The following PDK1 variants were observed in gnomAD, a reference collection of about 807,000 sequenced individuals.
PDK1 encodes the protein [Pyruvate dehydrogenase (acetyl-transferring)] kinase isozyme 1, mitochondrial.
A neutral mutation model predicts 54.2 loss-of-function variants in PDK1; 39 were observed. The ratio of observed to expected loss-of-function variants is 0.72; its 90% CI spans 0.56 to 0.94. The LOEUF is 0.94. PDK1 is among the 40% of genes least tolerant of loss of function. PDK1 has a pLI of 0.00. For synonymous variants in PDK1, 221 were observed against 207.1 expected (o/e 1.07, Z -0.58); for missense variants, 552 against 566.0 (o/e 0.98, Z 0.25).
the PDK1 span, among the ~76,000 whole-genome samples, chr2:172,628,549 A>G: frequency 6.6e-6 from 1 of 152,160 alleles, no homozygotes; most frequent in Admixed American, 6.5e-5. Flanking sequence ...TGTGTTTGAT[A>G]TATGGCCTTG....
the PDK1 span, among the ~76,000 whole-genome samples, chr2:172,702,677 T>C: frequency 6.6e-6 from 1 of 151,736 alleles, no homozygotes; most frequent in Admixed American, 6.6e-5. Flanking sequence ...CTCATCTCTC[T>C]AGGTTTCCTC....
chr2:172,676,502 GATAGAA>G, the PDK1 span, among the ~76,000 whole-genome samples: 1 of 152,184 alleles, frequency 6.6e-6, no homozygotes, highest in African/African-American at 2.4e-5. Context: ...CTATAGATGT[GATAGAA>G]ATAGAAAGGG....
chr2:172,670,402 C>T, the PDK1 span, among the ~76,000 whole-genome samples: 3 of 152,104 alleles, frequency 2.0e-5, no homozygotes, highest in Non-Finnish European at 4.4e-5. Flanking sequence ...CTTGAACTTT[C>T]AGCTGAGTGA....
Position 172,592,945 on chromosome 2 carries a change from G to A in PDK1, c.1067G>A (p.Gly356Asp). ...TTTCTCATCAAACAGGCTGGTTTTGGTTATGGATTGCCCATATCACGTCTT... is the reference window on the plus strand; with the variant it reads ...TTTCTCATCAAACAGGCTGGTTTTGATTATGGATTGCCCATATCACGTCTT... ...TSRAVPLAGF[G>D]YGLPISRLYA... is the part of the protein sequence containing the mutation. The change falls in exon 10 of 11, where the codon GGT becomes GAT. Residue 356 changes from glycine to aspartate, a missense_variant. Coordinates refer to ENST00000282077, the MANE Select transcript of PDK1 (RefSeq NM_002610.5). 3 of 1,606,666 alleles carry A rather than the reference G, an allele frequency of 1.9e-6. No homozygotes were observed. The highest frequency in any genetic ancestry group is 2.6e-6 in the Non-Finnish European group (3 of 1,173,842).
Position 172,570,207 on chromosome 2 carries a change from A to G in PDK1, c.847-519A>G, listed in dbSNP as rs142840093. On this transcript the variant is annotated intron_variant, in intron 7 of 10. Transcript: ENST00000282077. Reference sequence around the variant, plus strand: ...CTGATATGTTGGCACTGTGTACCCTATTTCCTTTAGAAATTAGTCAAAGCA... The same window carrying G: ...CTGATATGTTGGCACTGTGTACCCTGTTTCCTTTAGAAATTAGTCAAAGCA... Among the ~76,000 whole-genome samples, 761 of 152,230 alleles carry G rather than the reference A, an allele frequency of 5.0e-3. 9 individuals are homozygous for G. Among genetic ancestry groups the G allele is most frequent in the African/African-American group, 0.017 (693 of 41,522 alleles).
the PDK1 span, among the ~76,000 whole-genome samples, chr2:172,705,152 T>C: frequency 6.6e-6 from 1 of 152,228 alleles, no homozygotes; most frequent in Non-Finnish European, 1.5e-5. Flanking sequence ...TCCATATCTA[T>C]TAAATTTTGT....
Position 172,579,738 on chromosome 2 carries a change from G to C in PDK1, c.946-6540G>C, listed in dbSNP as rs114922609. Reference sequence around the variant, plus strand: ...TTTTCTTTTTTTTAAGCTGTGCTCTGAAGTTTCAGTGATGTGACTTGGTGT... The same window carrying C: ...TTTTCTTTTTTTTAAGCTGTGCTCTCAAGTTTCAGTGATGTGACTTGGTGT... On this transcript the variant is annotated intron_variant, in intron 8 of 10. Transcript: ENST00000282077. Among the ~76,000 whole-genome samples, 910 of 149,766 alleles carry C rather than the reference G, an allele frequency of 6.1e-3. 13 individuals are homozygous for C. Among genetic ancestry groups the C allele is most frequent in the African/African-American group, 0.021 (855 of 40,722 alleles).
chr2:172,632,750 G>A, the PDK1 span, among the ~76,000 whole-genome samples: 1 of 151,940 alleles, frequency 6.6e-6, no homozygotes, highest in Non-Finnish European at 1.5e-5. Context: ...GGGAGGCTGA[G>A]GTGGGCAGAT....
chr2:172,638,763 T>A, the PDK1 span, among the ~76,000 whole-genome samples: 1 of 152,116 alleles, frequency 6.6e-6, no homozygotes, highest in African/African-American at 2.4e-5. Flanking sequence ...TTGGAGAACT[T>A]TTGTGTCTAG....
At chr2:172,572,808 C>G (rs1689355472) in intron 8 of PDK1, among the ~76,000 whole-genome samples, 1 of 152,164 alleles carries the variant, frequency 6.6e-6, no homozygotes, top group Non-Finnish European at 1.5e-5. Flanking sequence ...AACCACTGAT[C>G]TATTTTCTGT....
In PDK1 at chr2:172,601,306, G is replaced by A. The variant is rs564789738; in HGVS notation, c.*5337G>A. On this transcript the variant is annotated 3_prime_UTR_variant, in exon 11 of 11. Coordinates refer to ENST00000282077, the MANE Select transcript of PDK1 (RefSeq NM_002610.5). ...AGCAAAACAGCACTGCTAAAGTTAC[G>A]GGTTTATTTTAAAGTTTAAAATAGA... The A allele has an allele frequency of 5.3e-5, 8 of 152,214 alleles. No individual in the cohort carries two copies. The highest frequency in any genetic ancestry group is 2.1e-4 in the South Asian group (1 of 4,824). The allele number at this position is 152,214 out of a possible 1,614,324, so 9.4% of individuals were successfully genotyped here.
At chr2:172,621,768 C>CTCATGTATG in the PDK1 span, among the ~76,000 whole-genome samples, 8 of 136,158 alleles carry the variant, frequency 5.9e-5, no homozygotes, top group African/African-American at 2.4e-4. Context: ...TCATATATGT[C>CTCATGTATG]ATATATGTTT....
At chr2:172,661,888 C>A in the PDK1 span, among the ~76,000 whole-genome samples, 1 of 152,188 alleles carries the variant, frequency 6.6e-6, no homozygotes, top group East Asian at 1.9e-4. Context: ...TCATTCGTAT[C>A]TCAAACCTAA....
downstream of PDK1, among the ~76,000 whole-genome samples, chr2:172,611,970 T>G (rs1444617807): frequency 2.0e-5 from 3 of 152,206 alleles, no homozygotes; most frequent in Non-Finnish European, 2.9e-5. Context: ...TGTAAATCAG[T>G]GAGTCAGAAT....
the PDK1 span, among the ~76,000 whole-genome samples, chr2:172,623,646 G>A: frequency 0.02 from 3,061 of 152,212 alleles, 93 homozygotes; most frequent in African/African-American, 0.068. Flanking sequence ...GTGATTGAAG[G>A]CAGAACAAAT....
chr2:172,564,830 G>T (rs929455983), intron 4 of PDK1, 143 bp downstream of exon 4: 39 of 851,218 alleles, frequency 4.6e-5, no homozygotes, highest in Non-Finnish European at 6.8e-5. Context: ...CTGCCATCAA[G>T]AAAGGTGTTT....
the PDK1 span, among the ~76,000 whole-genome samples, chr2:172,701,638 T>G: frequency 1.4e-4 from 17 of 117,330 alleles, no homozygotes; most frequent in Admixed American, 3.5e-4. Context: ...CCTGTTTTTT[T>G]TTTTGTTTTG....
chr2:172,622,078 T>C, the PDK1 span, among the ~76,000 whole-genome samples: 42 of 124,380 alleles, frequency 3.4e-4, no homozygotes, highest in African/African-American at 1.1e-3. Flanking sequence ...TCTCATATAT[T>C]ATGTGAGATA....
At chr2:172,636,931 G>A in the PDK1 span, among the ~76,000 whole-genome samples, 4 of 152,140 alleles carry the variant, frequency 2.6e-5, no homozygotes, top group African/African-American at 4.8e-5. Context: ...AAATAAAAAA[G>A]CGCATAGAAA....
Sources: allele counts gnomAD v4.1 joint callset (sites outside exome capture counted in the v4.1 genomes callset), GRCh38; gene constraint gnomAD v4.1.1; transcripts MANE v1.5; gene names NCBI Gene and HGNC (gene_info 2026-07-23, HGNC 2026-07-21).